The following FBRSL1 variants were observed in gnomAD, a reference collection of about 807,000 sequenced individuals.
The protein encoded by FBRSL1 is fibrosin-1-like protein.
In FBRSL1, 51 loss-of-function variants were observed where a neutral mutation model predicts 89.6. The ratio of observed to expected loss-of-function variants is 0.57; its 90% confidence interval spans 0.45 to 0.72. FBRSL1 has a LOEUF of 0.72. Among genes scored for constraint, FBRSL1 ranks in the 30% least tolerant of loss-of-function variants. The pLI is 0.00. For missense variants in FBRSL1, 1,618 were observed against 1,451.8 expected, an observed-to-expected ratio of 1.11 and a Z score of -1.86; for synonymous variants, 779 against 681.1, an observed-to-expected ratio of 1.14 and a Z score of -2.24.
chr12:132,555,264 G>A (rs774836686), intron 5 of FBRSL1, among the ~76,000 whole-genome samples: 13 of 152,160 alleles, frequency 8.5e-5, no homozygotes, highest in Non-Finnish European at 1.6e-4. Context: ...TATCTCTGGA[G>A]GGGGGTCACG....
chr12:132,574,603 C>G, intron 14 of FBRSL1, 39 bp downstream of exon 14: 1 of 1,538,782 alleles, frequency 6.5e-7, no homozygotes, highest in East Asian at 2.5e-5. Context: ...CTTGTGAACC[C>G]GACTCCAGCC....
Position 132,583,481 on chromosome 12 carries a change from C to G in FBRSL1, c.2712C>G (p.Arg904=), listed in dbSNP as rs921167056. The G allele has an allele frequency of 2.7e-4, 284 of 1,050,772 alleles. No individual in the cohort carries two copies. Among genetic ancestry groups the G allele is most frequent in the Non-Finnish European group, 3.2e-4 (275 of 871,236 alleles). 65.1% of individuals were successfully genotyped at this position (1,050,772 alleles called of 1,614,324 possible). A position where few individuals can be genotyped will look rare whatever the true frequency, so the allele number is the denominator to read the frequency against. Residue 904 remains arginine (R), a synonymous_variant, in exon 19 of 19, where the codon CGC becomes CGG. Transcript: ENST00000680143. The part of the protein sequence containing the change: ...SPERLRGELE[R]ARAPHLPPAA... The stretch of plus-strand genomic sequence containing the variant: ...AGCGCCTGCGCGGGGAGCTGGAGCG[C>G]GCGCGGGCCCCGCACCTGCCGCCCG...
intron 15 of FBRSL1, 127 bp from the exon 16 acceptor site, chr12:132,581,312 G>A (rs1054981241): frequency 7.8e-6 from 12 of 1,536,894 alleles, no homozygotes; most frequent in Non-Finnish European, 1.1e-5. Context: ...TCACCCCTCA[G>A]GGCATGCGAG....
intron 11 of FBRSL1, among the ~76,000 whole-genome samples, 170 bp from the exon 12 acceptor site, chr12:132,573,920 A>G (rs7398059): frequency 0.89 from 134,776 of 152,214 alleles, 59,976 homozygotes; most frequent in East Asian, 0.99. Context: ...CTGGCGGGCC[A>G]AAAGTGTGGT....
chr12:132,521,391 C>G (rs557776645), intron 2 of FBRSL1, among the ~76,000 whole-genome samples: 1 of 152,308 alleles, frequency 6.6e-6, no homozygotes, highest in African/African-American at 2.4e-5. Flanking sequence ...GTGGCCCAGC[C>G]CAACTAGGGG....
At chr12:132,504,752 CCT>C (rs1364827737) in intron 1 of FBRSL1, among the ~76,000 whole-genome samples, 1 of 152,182 alleles carries the variant, frequency 6.6e-6, no homozygotes, top group Admixed American at 6.5e-5. Context: ...CCTTTCCAGG[CCT>C]CTCTGTGTCT....
In FBRSL1 at chr12:132,571,724, C is replaced by T. The variant is rs370331946; in HGVS notation, c.1377+493C>T. ...AGCTGTGCCATGAGGCCCCCACCCT[C>T]GGCAGTGGTCCTGGACTTAGGCAGG... is the stretch of plus-strand genomic sequence containing the variant. On this transcript the variant is annotated intron_variant, in intron 9 of 18. Transcript: ENST00000680143. 1.2e-4 allele frequency: 47 copies of T among 379,012 alleles called. No homozygotes were observed. In the East Asian group the frequency reaches 1.6e-3, roughly 13 times the overall value. 23.5% of individuals were successfully genotyped at this position (379,012 alleles called of 1,614,324 possible). A position where few individuals can be genotyped will look rare whatever the true frequency, so the allele number is the denominator to read the frequency against.
intron 5 of FBRSL1, among the ~76,000 whole-genome samples, chr12:132,561,660 G>C (rs757854826): frequency 6.6e-6 from 1 of 152,174 alleles, no homozygotes; most frequent in Admixed American, 6.5e-5. Context: ...ACCACAGAGG[G>C]GGCAGTTAAC....
chr12:132,571,292 C>T (rs770873432), intron 9 of FBRSL1, 61 bp downstream of exon 9: 7 of 1,517,034 alleles, frequency 4.6e-6, no homozygotes, highest in South Asian at 2.4e-5. Context: ...GTCTCTCTCT[C>T]TTTTTCTCTT....
chr12:132,535,856 ACG>A (rs2036672994), intron 4 of FBRSL1, among the ~76,000 whole-genome samples: 1 of 145,940 alleles, frequency 6.9e-6, no homozygotes, highest in African/African-American at 2.6e-5. Context: ...GTGTGAGTGC[ACG>A]TGTGTCCATG....
chr12:132,574,221 C>CG, intron 12 of FBRSL1, 63 bp downstream of exon 12: 3 of 1,440,132 alleles, frequency 2.1e-6, no homozygotes, highest in Non-Finnish European at 2.7e-6. Flanking sequence ...GGGCCCTGTG[C>CG]GGGCTGGTGG....
rs1054396623 is a variant in FBRSL1 at position 132,567,471 on chromosome 12, C to T, written c.646-10C>T. 7.1e-6 allele frequency: 11 copies of T among 1,551,160 alleles called. No homozygotes were observed. Among genetic ancestry groups the T allele is most frequent in the Non-Finnish European group, 9.6e-6 (11 of 1,146,890 alleles). On this transcript the variant is annotated splice_polypyrimidine_tract_variant and intron_variant, in intron 5 of 18. Coordinates refer to ENST00000680143, the MANE Select transcript of FBRSL1 (RefSeq NM_001367871.1). ...CCTGACTGCCCCTGACCCCCCTTCT[C>T]TCTCTCCAGGCATCCGTGGGCTCTG...
At position 132,570,062 on chromosome 12, in the gene FBRSL1, G is replaced by A; in HGVS notation, c.828G>A (p.Gly276=). ...SPAPHAAPCP[G]PPPGSRANPL... is the part of the protein sequence containing the mutation. Reference sequence around the variant, plus strand: ...CGCCCCATGCCGCGCCCTGCCCGGGGCCCCCGCCCGGCTCCCGCGCCAATC... The same window carrying A: ...CGCCCCATGCCGCGCCCTGCCCGGGACCCCCGCCCGGCTCCCGCGCCAATC... The change falls in exon 7 of 19, where the codon GGG becomes GGA. Residue 276 remains glycine (G), a synonymous_variant. Coordinates refer to ENST00000680143, the MANE Select transcript of FBRSL1 (RefSeq NM_001367871.1). 6.7e-7 allele frequency: 1 copy of A among 1,495,096 alleles called. No homozygotes were observed. The allele number at this position is 1,495,096 out of a possible 1,614,324, so 92.6% of individuals were successfully genotyped here.
intron 2 of FBRSL1, 104 bp downstream of exon 2, chr12:132,508,454 G>A: frequency 1.6e-6 from 2 of 1,231,028 alleles, no homozygotes; most frequent in East Asian, 2.6e-5. Context: ...CCCCGGGCCT[G>A]CCTGGCAGCG....
intron 4 of FBRSL1, among the ~76,000 whole-genome samples, chr12:132,534,983 C>T (rs914272142): frequency 6.6e-6 from 1 of 152,244 alleles, no homozygotes; most frequent in African/African-American, 2.4e-5. Context: ...CCCCACAGGG[C>T]AGGGAGATGC....
chr12:132,525,649 C>A, intron 2 of FBRSL1, 85 bp from the exon 3 acceptor site: 1 of 1,107,476 alleles, frequency 9.0e-7, no homozygotes, highest in Non-Finnish European at 1.3e-6. Context: ...GTGCCGGGAG[C>A]AGGCATGTAG....
At chr12:132,566,038 G>GT (rs2039588798) in intron 5 of FBRSL1, 1 of 152,204 alleles carries the variant, frequency 6.6e-6, no homozygotes. Context: ...TAGACGGTGA[G>GT]TTGGATGGTA....
At chr12:132,530,708 CGGGGTGGGGGGTGGGGCTGG>C (rs1339859174) in intron 4 of FBRSL1, among the ~76,000 whole-genome samples, 18 of 35,394 alleles carry the variant, frequency 5.1e-4, no homozygotes, top group African/African-American at 1.6e-3. Context: ...TGACAGATGG[CGGGGTGGGGGGTGGGGCTGG>C]GGGGTGGGGG....
chr12:132,568,448 C>T lies in FBRSL1; in HGVS notation c.691+922C>T, dbSNP rs183819188. 2.9e-3 allele frequency among the ~76,000 whole-genome samples: 445 copies of T among 152,368 alleles called. 2 individuals carry two copies. Among genetic ancestry groups the T allele is most frequent in the Non-Finnish European group, 4.4e-3 (297 of 68,038 alleles). On this transcript the variant is annotated intron_variant, in intron 6 of 18. Coordinates refer to ENST00000680143, the MANE Select transcript of FBRSL1 (RefSeq NM_001367871.1). ...GCAGATGGGGTGGTGTCAGAAGGGG[C>T]GTGCATGGGACGGGCCCCGGTAGGA... is the stretch of plus-strand genomic sequence containing the variant.
Sources: gnomAD v4.1 joint callset for allele counts (sites outside exome capture counted in the v4.1 genomes callset) on GRCh38, gnomAD v4.1.1 for gene constraint, MANE v1.5 for transcripts, NCBI Gene and HGNC (gene_info 2026-07-23, HGNC 2026-07-21) for gene names.